STRN3: variants seen among roughly 807,000 people sequenced by gnomAD.
The protein encoded by STRN3 is striatin-3.
A neutral mutation model predicts 95.6 loss-of-function variants in STRN3; 29 were observed. That is an observed-to-expected ratio of 0.30 (90% CI 0.23 to 0.41). The LOEUF (loss-of-function observed/expected upper bound fraction) is 0.41, where lower values mean the gene tolerates loss of function less well. STRN3 is among the 10% of genes least tolerant of loss of function. The pLI is 1.00. For synonymous variants in STRN3, 331 were observed against 357.6 expected (o/e 0.93, Z 0.84); for missense variants, 890 against 972.1 (o/e 0.92, Z 1.12).
At chr14:30,982,877 C>T (rs1881481433) in intron 1 of STRN3, among the ~76,000 whole-genome samples, 1 of 151,996 alleles carries the variant, frequency 6.6e-6, no homozygotes, top group African/African-American at 2.4e-5. Flanking sequence ...GTGATGAGAT[C>T]ATTGGGACCC....
chr14:30,917,472 C>G lies in STRN3; in HGVS notation c.1240+1494G>C, dbSNP rs17097526. Among the ~76,000 whole-genome samples, 785 of 149,964 alleles carry G rather than the reference C, an allele frequency of 5.2e-3. 3 individuals are homozygous for G. The highest frequency in any genetic ancestry group is 0.018 in the African/African-American group (729 of 40,758). ...CTGCACTTTAAATGTACATTAATTA[C>G]AAAAATTTTAGCAAGTTGTACTATG... On this transcript the variant is annotated intron_variant, in intron 9 of 17. Coordinates refer to ENST00000357479, the MANE Select transcript of STRN3 (RefSeq NM_001083893.2).
At position 30,905,486 on chromosome 14, in the gene STRN3, C is replaced by A; in HGVS notation, c.1961G>T (p.Gly654Val). ...PAHMVTSFNT[G>V]SAVIYDLETS... ...TTCTAAATCATAAATTACTGCACTA[C>A]CAGTGTTGAAAGAGGTTACCATATG... The change falls in exon 15 of 18, where the codon GGT becomes GTT. Residue 654 changes from glycine to valine, a missense_variant. This residue lies in a region of STRN3 where 357 missense variants were observed against 422.8 expected (regional missense o/e 0.84). Coordinates refer to ENST00000357479, the MANE Select transcript of STRN3 (RefSeq NM_001083893.2). 1 of 1,610,112 alleles carries A rather than the reference C, an allele frequency of 6.2e-7. No homozygotes were observed. Among genetic ancestry groups the A allele is most frequent in the Non-Finnish European group, 8.5e-7 (1 of 1,178,420 alleles).
chr14:30,989,744 C>T (rs1881862123), intron 1 of STRN3, among the ~76,000 whole-genome samples: 2 of 152,122 alleles, frequency 1.3e-5, no homozygotes, highest in African/African-American at 4.8e-5. Flanking sequence ...AGGCGTGAGC[C>T]ACCGCGCCCG....
intron 1 of STRN3, among the ~76,000 whole-genome samples, chr14:30,984,079 T>C (rs1352011142): frequency 6.6e-6 from 1 of 150,890 alleles, no homozygotes; most frequent in East Asian, 1.9e-4. Context: ...GACACTGATA[T>C]TGCAAGATAT....
intron 1 of STRN3, among the ~76,000 whole-genome samples, chr14:30,971,174 G>A (rs1487222971): frequency 1.3e-5 from 2 of 152,208 alleles, no homozygotes; most frequent in Admixed American, 6.5e-5. Flanking sequence ...GTTCATCCCC[G>A]AGCAGATGTG....
At chr14:30,917,375 C>T (rs1412397140) in intron 9 of STRN3, among the ~76,000 whole-genome samples, 2 of 151,976 alleles carry the variant, frequency 1.3e-5, no homozygotes, top group Non-Finnish European at 2.9e-5. Context: ...TGGCTTTTTC[C>T]GTTAAGTCAT....
chr14:30,984,644 G>A (rs1302085014), intron 1 of STRN3, among the ~76,000 whole-genome samples: 1 of 152,052 alleles, frequency 6.6e-6, no homozygotes, highest in Non-Finnish European at 1.5e-5. Context: ...TGGGCGTGGT[G>A]GCAGGCACCT....
chr14:30,963,969 G>C (rs1880342549), intron 1 of STRN3, among the ~76,000 whole-genome samples: 1 of 152,124 alleles, frequency 6.6e-6, no homozygotes, highest in African/African-American at 2.4e-5. Context: ...AACAAGAAAA[G>C]AGCCAGGTGC....
chr14:30,927,348 C>A (rs1439151230), intron 8 of STRN3, among the ~76,000 whole-genome samples: 1 of 151,636 alleles, frequency 6.6e-6, no homozygotes, highest in East Asian at 1.9e-4. Flanking sequence ...TCTAATATTT[C>A]TTAAACATAC....
At chr14:30,984,294 A>AAAAAAAAAAAT (rs1881569858) in intron 1 of STRN3, among the ~76,000 whole-genome samples, 1 of 127,972 alleles carries the variant, frequency 7.8e-6, no homozygotes, top group Non-Finnish European at 1.7e-5. Flanking sequence ...AAAAAAAAAC[A>AAAAAAAAAAAT]GAAAAGAATT....
In STRN3 at chr14:30,920,194, G is replaced by C. The variant is rs185625544; in HGVS notation, c.1100-1088C>G. ...AAGATGGTAAAACTTAGTGGAAATAGGTGGACTTTTATACATTTATTGGTC... is the reference window on the plus strand; with the variant it reads ...AAGATGGTAAAACTTAGTGGAAATACGTGGACTTTTATACATTTATTGGTC... On this transcript the variant is annotated intron_variant, in intron 8 of 17. Transcript: ENST00000357479. Among the ~76,000 whole-genome samples, 24 of 152,204 alleles carry C rather than the reference G, an allele frequency of 1.6e-4. No homozygotes were observed. The East Asian group carries it at 4.4e-3, about 28-fold the overall frequency.
chr14:31,017,805 G>A (rs895843275), intron 1 of STRN3, among the ~76,000 whole-genome samples: 7 of 151,688 alleles, frequency 4.6e-5, no homozygotes, highest in South Asian at 2.1e-4. Context: ...GGCTGCGCAC[G>A]GTGGCTCACA....
At chr14:31,011,859 C>G (rs2139322362) in intron 1 of STRN3, among the ~76,000 whole-genome samples, 1 of 152,198 alleles carries the variant, frequency 6.6e-6, no homozygotes, top group African/African-American at 2.4e-5. Flanking sequence ...GTGGGAGGAC[C>G]ACCTGAGGTC....
intron 8 of STRN3, among the ~76,000 whole-genome samples, chr14:30,927,191 T>C (rs531399298): frequency 6.6e-6 from 1 of 152,260 alleles, no homozygotes; most frequent in Admixed American, 6.5e-5. Context: ...CACGTGCCTA[T>C]AGTCCCAGCT....
At chr14:30,967,588 C>T (rs1236412686) in intron 1 of STRN3, among the ~76,000 whole-genome samples, 2 of 152,150 alleles carry the variant, frequency 1.3e-5, no homozygotes, top group African/African-American at 2.4e-5. Flanking sequence ...CCCAGTAACC[C>T]GCGGATGGCC....
chr14:30,967,534 T>C (rs1440741529), intron 1 of STRN3, among the ~76,000 whole-genome samples: 1 of 152,230 alleles, frequency 6.6e-6, no homozygotes, highest in Non-Finnish European at 1.5e-5. Context: ...CCAAAAGCAC[T>C]GAGGACACTG....
intron 14 of STRN3, 66 bp downstream of exon 14, chr14:30,906,811 T>C: frequency 6.9e-7 from 1 of 1,443,178 alleles, no homozygotes; most frequent in Admixed American, 2.1e-5. Flanking sequence ...ATCAATTACT[T>C]TGTCCTTTAT....
intron 1 of STRN3, 54 bp downstream of exon 1, chr14:31,025,850 C>T (rs1023596248): frequency 1.9e-6 from 3 of 1,561,820 alleles, no homozygotes; most frequent in African/African-American, 2.7e-5. Context: ...AGCCCCACCC[C>T]CCGGCCGGGA....
chr14:30,913,779 C>A, intron 9 of STRN3, 122 bp from the exon 10 acceptor site: 1 of 1,206,886 alleles, frequency 8.3e-7, no homozygotes, highest in Non-Finnish European at 1.1e-6. Flanking sequence ...TTTTATTTTC[C>A]CACTTCTACT....
Sources: allele counts gnomAD v4.1 joint callset (sites outside exome capture counted in the v4.1 genomes callset), GRCh38; gene constraint gnomAD v4.1.1; regional missense constraint gnomAD v4.1.1; transcripts MANE v1.5; gene names NCBI Gene and HGNC (gene_info 2026-07-23, HGNC 2026-07-21).